Variants in ZNF527 observed in about 807,000 individuals in gnomAD.
ZNF527 encodes the protein zinc finger protein 527.
A neutral mutation model predicts 13.5 loss-of-function variants in ZNF527; 5 were observed. That is an observed-to-expected ratio of 0.37 (90% CI 0.19 to 0.78). The LOEUF is 0.78. Among genes scored for constraint, ZNF527 ranks in the 30% least tolerant of loss-of-function variants. The pLI, the probability that ZNF527 is intolerant of heterozygous loss-of-function variation, is 0.48. For missense variants in ZNF527, 628 were observed against 726.4 expected (o/e 0.86, Z 1.56); for synonymous variants, 209 against 243.1 (o/e 0.86, Z 1.30).
At chr19:37,372,347 G>A (rs1044973995) in intron 1 of ZNF527, among the ~76,000 whole-genome samples, 1 of 151,916 alleles carries the variant, frequency 6.6e-6, no homozygotes, top group African/African-American at 2.4e-5. Flanking sequence ...GGAAATAACT[G>A]CTAGGGACTG....
Position 37,389,842 on chromosome 19 carries a change from G to T in ZNF527, c.1793G>T (p.Arg598Ile). 6.2e-7 allele frequency: 1 copy of T among 1,608,718 alleles called. No individual in the cohort carries two copies. The highest frequency in any genetic ancestry group is 1.1e-5 in the South Asian group (1 of 90,320). The change falls in exon 5 of 5, where the codon AGA (arginine) becomes ATA (isoleucine). Residue 598 changes from arginine to isoleucine, a missense_variant. By Grantham distance (97) the Arg-to-Ile change is moderately conservative. This residue lies in a region of ZNF527 where 592 missense variants were observed against 678.0 expected (regional missense o/e 0.87). Coordinates refer to ENST00000436120, the MANE Select transcript of ZNF527 (RefSeq NM_032453.2). ...GNNFSCVSAL[R>I]RHQRIHNRET... ...AATTTTAGCTGTGTCTCAGCCCTTA[G>T]ACGACATCAGAGAATTCATAATAGA...
In ZNF527 at chr19:37,389,621, A is replaced by G; in HGVS notation, c.1572A>G (p.Lys524=). 6.2e-7 allele frequency: 1 copy of G among 1,614,132 alleles called. No homozygotes were observed. Among genetic ancestry groups the G allele is most frequent in the Non-Finnish European group, 8.5e-7 (1 of 1,180,028 alleles). The part of the protein sequence containing the change: ...IHHKRSHAGE[K]PYECNKCGKA... ...ATAAGAGAAGTCATGCAGGAGAGAA[A>G]CCCTATGAATGTAACAAATGTGGAA... Residue 524 remains lysine, a synonymous_variant, in exon 5 of 5, where the codon AAA becomes AAG. Transcript: ENST00000436120.
At chr19:37,384,352 G>T (rs958610085) in intron 4 of ZNF527, among the ~76,000 whole-genome samples, 7 of 151,904 alleles carry the variant, frequency 4.6e-5, no homozygotes, top group African/African-American at 1.7e-4. Context: ...AAATAAATTA[G>T]CCTGACATGG....
chr19:37,377,834 T>C (rs549701224), intron 2 of ZNF527, among the ~76,000 whole-genome samples: 1 of 152,140 alleles, frequency 6.6e-6, no homozygotes, highest in East Asian at 2.0e-4. Flanking sequence ...CTTTCATCTC[T>C]TGCTTGTGGC....
At chr19:37,382,151 C>A (rs987934064) in intron 4 of ZNF527, among the ~76,000 whole-genome samples, 2 of 152,278 alleles carry the variant, frequency 1.3e-5, no homozygotes, top group East Asian at 1.9e-4. Flanking sequence ...GAATCAACCA[C>A]TTCTCCAAGG....
At chr19:37,377,403 T>C (rs776937070) in intron 2 of ZNF527, among the ~76,000 whole-genome samples, 19 of 151,740 alleles carry the variant, frequency 1.3e-4, no homozygotes, top group Non-Finnish European at 2.4e-4. Context: ...TCGGGATGAG[T>C]TGATGGTGGT....
chr19:37,376,543 G>A (rs986579807), intron 2 of ZNF527, among the ~76,000 whole-genome samples: 11 of 151,598 alleles, frequency 7.3e-5, no homozygotes, highest in African/African-American at 2.4e-4. Flanking sequence ...GTGTGGTAGC[G>A]CATGCCTGTA....
intron 1 of ZNF527, among the ~76,000 whole-genome samples, chr19:37,373,081 A>G (rs928617847): frequency 6.6e-6 from 1 of 152,056 alleles, no homozygotes; most frequent in East Asian, 1.9e-4. Flanking sequence ...AGCTTCTGGA[A>G]CCTCCCTTTT....
chr19:37,384,510 A>T (rs1412852924), intron 4 of ZNF527, among the ~76,000 whole-genome samples: 1 of 152,066 alleles, frequency 6.6e-6, no homozygotes, highest in African/African-American at 2.4e-5. Context: ...CTCAAAAAAA[A>T]AAACAAAATG....
intron 2 of ZNF527, among the ~76,000 whole-genome samples, chr19:37,375,988 T>C (rs562907658): frequency 2.6e-5 from 4 of 152,176 alleles, no homozygotes; most frequent in Non-Finnish European, 5.9e-5. Context: ...TGACAAGAGC[T>C]ACTTCATGGA....
Position 37,389,125 on chromosome 19 carries a change from C to A in ZNF527, c.1076C>A (p.Ala359Glu). ...QRIHTGEKPF[A>E]CNECGKAFSR... is the part of the protein sequence containing the mutation. ...ATCCACACTGGAGAGAAACCGTTTG[C>A]GTGCAATGAATGTGGGAAGGCCTTT... Residue 359 changes from alanine to glutamate, a missense_variant, in exon 5 of 5, where the codon GCG (alanine) becomes GAG (glutamate). Around this residue, in one of 3 missense-constraint regions of ZNF527, gnomAD observed 592 missense variants for 678.0 expected, o/e 0.87. Transcript: ENST00000436120. The A allele has an allele frequency of 1.2e-6, 2 of 1,613,598 alleles. No homozygotes were observed. Among genetic ancestry groups the A allele is most frequent in the Non-Finnish European group, 1.7e-6 (2 of 1,179,900 alleles).
At chr19:37,378,985 C>A in intron 2 of ZNF527, 135 bp from the exon 3 acceptor site, 2 of 918,624 alleles carry the variant, frequency 2.2e-6, no homozygotes, top group Non-Finnish European at 1.6e-6. Context: ...TTTGACAAAC[C>A]TCAGCATGTA....
chr19:37,378,004 T>C (rs1205503283), intron 2 of ZNF527, among the ~76,000 whole-genome samples: 1 of 152,000 alleles, frequency 6.6e-6, no homozygotes, highest in African/African-American at 2.4e-5. Context: ...AATTCCACTA[T>C]GTAGAATAAC....
At position 37,392,521 on chromosome 19, in the gene ZNF527, C is replaced by T. The variant is rs1283188560; in HGVS notation, c.*2642C>T. On this transcript the variant is annotated 3_prime_UTR_variant, in exon 5 of 5. Transcript: ENST00000436120. ...CCTCCCACCTCAGCCTCCTGAGTAG[C>T]TGGGACTACAGGTGTGCTCTACCAC... The T allele has an allele frequency of 6.6e-6, 1 of 152,182 alleles. No homozygotes were observed. Among genetic ancestry groups the T allele is most frequent in the Non-Finnish European group, 1.5e-5 (1 of 68,056 alleles). 9.4% of individuals were successfully genotyped at this position (152,182 alleles called of 1,614,324 possible).
At chr19:37,371,927 C>T (rs1049051639) in intron 1 of ZNF527, among the ~76,000 whole-genome samples, 1 of 151,402 alleles carries the variant, frequency 6.6e-6, no homozygotes, top group African/African-American at 2.4e-5. Flanking sequence ...TAGAATTACC[C>T]AAGTTCACAC....
chr19:37,386,134 C>CCTTTT (rs1568696513), intron 4 of ZNF527, among the ~76,000 whole-genome samples: 1 of 72,666 alleles, frequency 1.4e-5, no homozygotes, highest in African/African-American at 7.1e-5. Flanking sequence ...CTTTTCTCTT[C>CCTTTT]TTTTCCTTTT....
chr19:37,377,728 G>A (rs2040619814), intron 2 of ZNF527, among the ~76,000 whole-genome samples: 1 of 152,128 alleles, frequency 6.6e-6, no homozygotes, highest in Non-Finnish European at 1.5e-5. Flanking sequence ...CCTGACAGGT[G>A]CTCTGAACTT....
At chr19:37,387,740 AATT>A (rs2040712111) in intron 4 of ZNF527, among the ~76,000 whole-genome samples, 1 of 152,162 alleles carries the variant, frequency 6.6e-6, no homozygotes, top group Admixed American at 6.5e-5. Flanking sequence ...AATATATATA[AATT>A]TTTCCTGGAC....
chr19:37,382,776 G>A (rs142051032), intron 4 of ZNF527, among the ~76,000 whole-genome samples: 2,239 of 151,876 alleles, frequency 0.015, 65 homozygotes, highest in African/African-American at 0.051. Context: ...GGGCAATCTC[G>A]GCTCACTGCA....
Sources: allele counts gnomAD v4.1 joint callset (sites outside exome capture counted in the v4.1 genomes callset), GRCh38; gene constraint gnomAD v4.1.1; regional missense constraint gnomAD v4.1.1; transcripts MANE v1.5; gene names NCBI Gene and HGNC (gene_info 2026-07-23, HGNC 2026-07-21).